The following ANKRD50 variants were observed in gnomAD, a reference collection of about 807,000 sequenced individuals.
ANKRD50 encodes the protein ankyrin repeat domain-containing protein 50.
In ANKRD50, 40 loss-of-function variants were observed where a neutral mutation model predicts 112.0. The ratio of observed to expected loss-of-function variants is 0.36; its 90% CI spans 0.28 to 0.46. The LOEUF (loss-of-function observed/expected upper bound fraction) is 0.46, where lower values mean the gene tolerates loss of function less well. ANKRD50 is among the 20% of genes least tolerant of loss of function. The probability of loss-of-function intolerance (pLI) is 1.00; values close to 1 mark genes in which losing one functional copy is unlikely to be tolerated. For missense variants in ANKRD50, 1,487 were observed against 1,701.7 expected, an observed-to-expected ratio of 0.87 and a Z score of 2.22; for synonymous variants, 613 against 619.1, an observed-to-expected ratio of 0.99 and a Z score of 0.15.
chr4:124,692,454 A>G (rs1428322856), intron 2 of ANKRD50, among the ~76,000 whole-genome samples: 1 of 152,198 alleles, frequency 6.6e-6, no homozygotes, highest in African/African-American at 2.4e-5. Context: ...ATGTATGTTA[A>G]TTAATTTTCT....
chr4:124,683,642 T>G (rs868704864), intron 2 of ANKRD50, among the ~76,000 whole-genome samples: 1 of 151,758 alleles, frequency 6.6e-6, no homozygotes, highest in South Asian at 2.1e-4. Context: ...TTCATACACT[T>G]TACCCATTTC....
intron 3 of ANKRD50, among the ~76,000 whole-genome samples, chr4:124,677,356 C>G (rs1165223362): frequency 6.6e-6 from 1 of 151,480 alleles, no homozygotes; most frequent in Non-Finnish European, 1.5e-5. Flanking sequence ...TTTTTTGTAA[C>G]AGCAAAAAAC....
At chr4:124,704,033 T>C (rs1416064699) in intron 2 of ANKRD50, among the ~76,000 whole-genome samples, 2 of 151,976 alleles carry the variant, frequency 1.3e-5, no homozygotes, top group African/African-American at 4.8e-5. Context: ...GAAGGGAAAG[T>C]GGGAAGATTT....
Position 124,666,662 on chromosome 4 carries a change from A to G in ANKRD50, c.*856T>C, listed in dbSNP as rs889104504. Reference sequence around the variant, plus strand: ...TAGACAGGTGCATTTCTCTCTGCACACACATGTGACTGAGGCATGGCTTTG... The same window carrying G: ...TAGACAGGTGCATTTCTCTCTGCACGCACATGTGACTGAGGCATGGCTTTG... On this transcript the variant is annotated 3_prime_UTR_variant, in exon 5 of 5. Coordinates refer to ENST00000504087, the MANE Select transcript of ANKRD50 (RefSeq NM_020337.3). 2 of 152,438 alleles carry G rather than the reference A, an allele frequency of 1.3e-5. No homozygotes were observed. Among genetic ancestry groups the G allele is most frequent in the African/African-American group, 4.8e-5 (2 of 41,438 alleles). 9.4% of individuals were successfully genotyped at this position (152,438 alleles called of 1,614,324 possible). A position where few individuals can be genotyped will look rare whatever the true frequency, so the allele number is the denominator to read the frequency against.
rs376889312 is a variant in ANKRD50, at chr4:124,671,810, C to T, written c.1467G>A (p.Leu489=). The change falls in exon 4 of 5, where the codon TTG becomes TTA. Residue 489 remains leucine (L), a synonymous_variant. Transcript: ENST00000504087. ...GTPVRDSLST[L]IPKEQEVLQL... ...GTAGCACTTCTTGTTCCTTGGGTAT[C>T]AAAGTAGAAAGGGAATCTCTGACAG... 1.3e-5 allele frequency: 21 copies of T among 1,613,852 alleles called. No individual in the cohort carries two copies. In the African/African-American group the frequency reaches 2.0e-4, roughly 15 times the overall value.
chr4:124,668,455 T>C (rs1002555569), intron 4 of ANKRD50, among the ~76,000 whole-genome samples: 2 of 152,104 alleles, frequency 1.3e-5, no homozygotes, highest in South Asian at 2.1e-4. Flanking sequence ...ACAGACATTA[T>C]TGCATTCAAA....
rs992099815 is a variant in ANKRD50, at chr4:124,664,572, T to C, written c.*2946A>G. On this transcript the variant is annotated 3_prime_UTR_variant, in exon 5 of 5. Coordinates refer to ENST00000504087, the MANE Select transcript of ANKRD50 (RefSeq NM_020337.3). ...CATACAAGGGATAAAATAAAACTTT[T>C]ACAATGTGAAATTCAATGTACATTT... is the stretch of plus-strand genomic sequence containing the variant. 1.3e-5 allele frequency: 2 copies of C among 152,378 alleles called. No individual in the cohort carries two copies. The highest frequency in any genetic ancestry group is 2.4e-5 in the African/African-American group (1 of 41,406). 9.4% of individuals were successfully genotyped at this position (152,378 alleles called of 1,614,324 possible).
intron 2 of ANKRD50, among the ~76,000 whole-genome samples, chr4:124,707,414 A>G (rs373679788): frequency 1.3e-5 from 2 of 152,126 alleles, no homozygotes; most frequent in East Asian, 1.9e-4. Context: ...AGATAATGTA[A>G]TATCACATAC....
chr4:124,700,944 AT>A (rs1384583530), intron 2 of ANKRD50, among the ~76,000 whole-genome samples: 2 of 152,210 alleles, frequency 1.3e-5, no homozygotes, highest in Non-Finnish European at 2.9e-5. Flanking sequence ...CTGAGCCAGA[AT>A]TAAAAGATAG....
rs771774197 is a variant in ANKRD50 at position 124,710,213 on chromosome 4, T to A, written c.299A>T (p.Gln100Leu). Residue 100 changes from glutamine to leucine, a missense_variant, in exon 2 of 5, where the codon CAG (glutamine) becomes CTG (leucine). Physicochemically the swap from Gln to Leu is moderately radical, Grantham distance 113. Around this residue, in one of 2 missense-constraint regions of ANKRD50, gnomAD observed 1,046 missense variants for 1,269.5 expected, o/e 0.82. Transcript: ENST00000504087. The stretch of plus-strand genomic sequence containing the variant: ...CAAAGCTTGGCGATGTAAACCTCTC[T>A]GCAAACTTGCAGGTGAACTTGGCCA... ...LLWPSSPASL[Q>L]RGLHRQALAF... The A allele has an allele frequency of 4.3e-6, 7 of 1,614,204 alleles. No individual in the cohort carries two copies. In the South Asian group the frequency reaches 7.7e-5, roughly 18 times the overall value.
At chr4:124,693,677 G>A (rs531756991) in intron 2 of ANKRD50, among the ~76,000 whole-genome samples, 75 of 151,938 alleles carry the variant, frequency 4.9e-4, no homozygotes, top group Non-Finnish European at 9.0e-4. Flanking sequence ...TTTATTACCA[G>A]TTACCTTGAT....
At chr4:124,692,860 A>G (rs75998660) in intron 2 of ANKRD50, among the ~76,000 whole-genome samples, 4,667 of 152,274 alleles carry the variant, frequency 0.031, 106 homozygotes, top group Middle Eastern at 0.071. Context: ...TGTATGGACT[A>G]AGACACAAAC....
At chr4:124,709,511 A>G (rs998253875) in intron 2 of ANKRD50, among the ~76,000 whole-genome samples, 1 of 152,120 alleles carries the variant, frequency 6.6e-6, no homozygotes, top group Admixed American at 6.5e-5. Context: ...ATAAATCCCA[A>G]AACTCATCAG....
Position 124,711,013 on chromosome 4 carries a change from G to C in ANKRD50, c.-502C>G. The C allele has an allele frequency of 2.7e-6, 1 of 365,364 alleles. No homozygotes were observed. The highest frequency in any genetic ancestry group is 4.9e-6 in the Non-Finnish European group (1 of 204,854). 22.6% of individuals were successfully genotyped at this position (365,364 alleles called of 1,614,324 possible). On this transcript the variant is annotated 5_prime_UTR_variant, in exon 2 of 5. Transcript: ENST00000504087. ...TTACATTTATACGGTATGAGGTACAGTATGTAAGTAGCTCTGTATTTCTCG... is the reference window on the plus strand; with the variant it reads ...TTACATTTATACGGTATGAGGTACACTATGTAAGTAGCTCTGTATTTCTCG...
chr4:124,697,899 A>C (rs1476022652), intron 2 of ANKRD50, among the ~76,000 whole-genome samples: 1 of 152,070 alleles, frequency 6.6e-6, no homozygotes, highest in Non-Finnish European at 1.5e-5. Context: ...GAAGATTGAG[A>C]ATTGAATTTA....
At chr4:124,687,198 A>G (rs1725024104) in intron 2 of ANKRD50, among the ~76,000 whole-genome samples, 1 of 152,216 alleles carries the variant, frequency 6.6e-6, no homozygotes, top group African/African-American at 2.4e-5. Flanking sequence ...CAGCATAAAT[A>G]TAGGAACATG....
chr4:124,683,166 C>CA (rs1724931899), intron 2 of ANKRD50, among the ~76,000 whole-genome samples: 2 of 151,710 alleles, frequency 1.3e-5, no homozygotes, highest in African/African-American at 4.8e-5. Context: ...TATACACACA[C>CA]AGGCAACAGT....
At chr4:124,697,273 T>C (rs917857216) in intron 2 of ANKRD50, among the ~76,000 whole-genome samples, 1 of 152,232 alleles carries the variant, frequency 6.6e-6, no homozygotes, top group African/African-American at 2.4e-5. Flanking sequence ...ATGAGCTTCA[T>C]GTAAGAAGCA....
chr4:124,704,477 A>G (rs1725460937), intron 2 of ANKRD50, among the ~76,000 whole-genome samples: 1 of 152,226 alleles, frequency 6.6e-6, no homozygotes, highest in African/African-American at 2.4e-5. Context: ...CCATATTAAT[A>G]CATGGTAAAG....
Sources: gnomAD v4.1 joint callset for allele counts (sites outside exome capture counted in the v4.1 genomes callset) on GRCh38, gnomAD v4.1.1 for gene constraint, gnomAD v4.1.1 regional missense constraint, MANE v1.5 for transcripts, NCBI Gene and HGNC (gene_info 2026-07-23, HGNC 2026-07-21) for gene names.